ADARB2: variants seen among roughly 807,000 people sequenced by gnomAD.
ADARB2 encodes inactive double-stranded RNA-specific editase B2.
A neutral mutation model predicts 62.2 loss-of-function variants in ADARB2; 25 were observed. The ratio of observed to expected loss-of-function variants is 0.40; its 90% CI spans 0.29 to 0.56. ADARB2 has a LOEUF of 0.56. ADARB2 is among the 20% of genes least tolerant of loss of function. The pLI, the probability that ADARB2 is intolerant of heterozygous loss-of-function variation, is 0.43. For missense variants in ADARB2, 1,071 were observed against 1,077.4 expected, an observed-to-expected ratio of 0.99 and a Z score of 0.08; for synonymous variants, 572 against 500.8, an observed-to-expected ratio of 1.14 and a Z score of -1.90.
At chr10:1,367,195 G>A (rs1476110802) in intron 2 of ADARB2, among the ~76,000 whole-genome samples, 6 of 152,206 alleles carry the variant, frequency 3.9e-5, no homozygotes, top group South Asian at 4.1e-4. Context: ...CTGCCTGCCC[G>A]TTCAGCTCGG....
intron 1 of ADARB2, among the ~76,000 whole-genome samples, chr10:1,443,751 A>G (rs1017162342): frequency 6.6e-6 from 1 of 152,240 alleles, no homozygotes; most frequent in Non-Finnish European, 1.5e-5. Context: ...AATGAGAGTT[A>G]TCTAAGAATA....
intron 3 of ADARB2, among the ~76,000 whole-genome samples, chr10:1,303,850 G>A (rs1831599124): frequency 6.6e-6 from 1 of 151,698 alleles, no homozygotes; most frequent in Admixed American, 6.6e-5. Context: ...CACCAGGCCT[G>A]CCCTAAAAGA....
At chr10:1,514,874 C>T (rs1831989275) in intron 1 of ADARB2, among the ~76,000 whole-genome samples, 1 of 152,036 alleles carries the variant, frequency 6.6e-6, no homozygotes, top group Admixed American at 6.6e-5. Context: ...GGAGTGGAGC[C>T]CTCTGTGCTC....
intron 4 of ADARB2, among the ~76,000 whole-genome samples, chr10:1,258,047 C>T (rs1831096202): frequency 6.6e-6 from 1 of 152,200 alleles, no homozygotes. Flanking sequence ...TGATTAACTC[C>T]TGCTCACAGA....
chr10:1,542,984 C>A (rs1210308657), intron 1 of ADARB2, among the ~76,000 whole-genome samples: 1 of 152,280 alleles, frequency 6.6e-6, no homozygotes, highest in African/African-American at 2.4e-5. Context: ...GCTGTCCGTC[C>A]GCCCGAGCAG....
intron 1 of ADARB2, among the ~76,000 whole-genome samples, chr10:1,399,224 GA>G (rs1832641648): frequency 6.6e-6 from 1 of 152,148 alleles, no homozygotes; most frequent in Non-Finnish European, 1.5e-5. Flanking sequence ...CTAAGAGGCT[GA>G]AGGAGGGTAT....
intron 3 of ADARB2, among the ~76,000 whole-genome samples, chr10:1,335,096 A>T (rs1831961037): frequency 6.6e-6 from 1 of 152,066 alleles, no homozygotes; most frequent in Non-Finnish European, 1.5e-5. Context: ...TTACAATTCA[A>T]ACTGTGAGGT....
chr10:1,540,457 T>C, intron 1 of ADARB2, among the ~76,000 whole-genome samples: 1 of 150,312 alleles, frequency 6.7e-6, no homozygotes, highest in Non-Finnish European at 1.5e-5. Context: ...AACCCCATGA[T>C]CACAGCCGCC....
intron 2 of ADARB2, among the ~76,000 whole-genome samples, chr10:1,365,229 G>A (rs1044526939): frequency 2.6e-5 from 4 of 152,018 alleles, no homozygotes; most frequent in Non-Finnish European, 5.9e-5. Flanking sequence ...CTGTTATGGT[G>A]CCCTCTGATG....
intron 1 of ADARB2, among the ~76,000 whole-genome samples, chr10:1,683,619 A>G (rs1248296232): frequency 6.6e-6 from 1 of 152,148 alleles, no homozygotes; most frequent in Non-Finnish European, 1.5e-5. Flanking sequence ...GTGTTTTTGT[A>G]CCAGACTCAC....
chr10:1,257,325 C>T (rs1831088867), intron 4 of ADARB2, among the ~76,000 whole-genome samples: 1 of 152,208 alleles, frequency 6.6e-6, no homozygotes, highest in South Asian at 2.1e-4. Flanking sequence ...CTCCCCTTCT[C>T]TGCCCTCCAC....
chr10:1,482,446 T>C (rs997500519), intron 1 of ADARB2, among the ~76,000 whole-genome samples: 4 of 152,214 alleles, frequency 2.6e-5, no homozygotes, highest in Non-Finnish European at 4.4e-5. Context: ...AAATCCTGTG[T>C]GATTCCACTT....
chr10:1,248,202 T>C (rs1468196089), intron 4 of ADARB2, among the ~76,000 whole-genome samples: 119 of 115,230 alleles, frequency 1.0e-3, no homozygotes, highest in Middle Eastern at 6.1e-3. Context: ...GAGGCAAAGG[T>C]GTGCGACGTG....
At chr10:1,636,411 G>A (rs1444330248) in intron 1 of ADARB2, among the ~76,000 whole-genome samples, 2 of 152,160 alleles carry the variant, frequency 1.3e-5, no homozygotes, top group Non-Finnish European at 2.9e-5. Context: ...CAGCTACTCA[G>A]GAGGCTGAGG....
intron 1 of ADARB2, among the ~76,000 whole-genome samples, chr10:1,706,680 T>C (rs889592194): frequency 2.0e-5 from 3 of 152,360 alleles, no homozygotes; most frequent in African/African-American, 7.2e-5. Context: ...CTGCAGTAAT[T>C]GAGAATCAGA....
intron 1 of ADARB2, among the ~76,000 whole-genome samples, chr10:1,561,049 A>C (rs987664445): frequency 1.3e-5 from 2 of 152,198 alleles, no homozygotes; most frequent in African/African-American, 4.8e-5. Flanking sequence ...GGTACCACTA[A>C]ATTTTCTAGA....
At chr10:1,647,939 G>T (rs772172906) in intron 1 of ADARB2, among the ~76,000 whole-genome samples, 1 of 151,862 alleles carries the variant, frequency 6.6e-6, no homozygotes, top group Admixed American at 6.6e-5. Flanking sequence ...GGTATATCTC[G>T]AACTGGAGGC....
At chr10:1,448,103 T>C (rs113894880) in intron 1 of ADARB2, among the ~76,000 whole-genome samples, 228 of 152,320 alleles carry the variant, frequency 1.5e-3, no homozygotes, top group African/African-American at 4.9e-3. Flanking sequence ...TAAATTGATG[T>C]TCTTTAGTTA....
At chr10:1,224,797 C>T (rs1025007566) in intron 6 of ADARB2, among the ~76,000 whole-genome samples, 17 of 152,146 alleles carry the variant, frequency 1.1e-4, no homozygotes, top group Admixed American at 9.8e-4. Context: ...GTTATAATTT[C>T]GGTTCTTTTA....
Sources: allele counts gnomAD v4.1 joint callset (sites outside exome capture counted in the v4.1 genomes callset), GRCh38; gene constraint gnomAD v4.1.1; transcripts MANE v1.5; gene names NCBI Gene and HGNC (gene_info 2026-07-23, HGNC 2026-07-21).